Variants in ADAM22 observed in about 807,000 individuals in gnomAD.
The protein encoded by ADAM22 is disintegrin and metalloproteinase domain-containing protein 22.
In ADAM22, 65 loss-of-function variants were observed where a neutral mutation model predicts 144.6. That is an observed-to-expected ratio of 0.45 (90% CI 0.37 to 0.55). The LOEUF is 0.55. Ranked by LOEUF, ADAM22 falls within the 20% of genes least tolerant of loss-of-function variation. The pLI is 0.00. For synonymous variants in ADAM22, 391 were observed against 412.6 expected (o/e 0.95, Z 0.63); for missense variants, 974 against 1,184.9 (o/e 0.82, Z 2.61).
At chr7:88,133,011 A>G (rs1325120989) in intron 12 of ADAM22, 60 bp downstream of exon 12, 4 of 1,457,344 alleles carry the variant, frequency 2.7e-6, no homozygotes, top group East Asian at 2.3e-5. Flanking sequence ...TTTTCCTCAT[A>G]CTTAAGAGAT....
At chr7:88,113,247 C>A (rs1363290862) in intron 5 of ADAM22, among the ~76,000 whole-genome samples, 1 of 148,258 alleles carries the variant, frequency 6.7e-6, no homozygotes, top group African/African-American at 2.5e-5. Flanking sequence ...ACTAACTCTT[C>A]TCTGTTTTAC....
At chr7:88,143,624 T>C (rs1393778875) in intron 15 of ADAM22, among the ~76,000 whole-genome samples, 1 of 152,208 alleles carries the variant, frequency 6.6e-6, no homozygotes, top group East Asian at 1.9e-4. Flanking sequence ...TTGGACTTTG[T>C]CACAGGCTTT....
chr7:88,108,148 G>GACTT (rs1326074202), intron 4 of ADAM22, 28 bp from the exon 5 acceptor site: 1 of 1,595,184 alleles, frequency 6.3e-7, no homozygotes, highest in Non-Finnish European at 8.6e-7. Flanking sequence ...GTGATGCAAA[G>GACTT]ACTTACATTC....
intron 3 of ADAM22, among the ~76,000 whole-genome samples, chr7:88,021,606 G>C (rs939043701): frequency 1.3e-5 from 2 of 152,190 alleles, no homozygotes; most frequent in African/African-American, 2.4e-5. Flanking sequence ...GCTGTTTTCA[G>C]ACAAGTAATT....
rs567035312 is a variant in ADAM22, at chr7:88,079,014, C to T, written c.390+3322C>T. ...CAGAGAATGCCACAAAGATACTGCT[C>T]GAGAAGAGCAACTCCAAGACACATA... is the stretch of plus-strand genomic sequence containing the variant. On this transcript the variant is annotated intron_variant, in intron 4 of 31. Transcript: ENST00000413139. 5.3e-5 allele frequency among the ~76,000 whole-genome samples: 8 copies of T among 152,094 alleles called. No homozygotes were observed. In the South Asian group the frequency reaches 1.2e-3, roughly 24 times the overall value.
At chr7:87,982,670 CATATATATATATAT>C (rs3086405) in intron 3 of ADAM22, among the ~76,000 whole-genome samples, 3 of 38,114 alleles carry the variant, frequency 7.9e-5, no homozygotes, top group East Asian at 8.5e-4. Flanking sequence ...TCAGTTATTA[CATATATATATATAT>C]ATATATATAT....
At chr7:88,150,058 G>T (rs528516302) in intron 18 of ADAM22, among the ~76,000 whole-genome samples, 1 of 152,230 alleles carries the variant, frequency 6.6e-6, no homozygotes, top group Non-Finnish European at 1.5e-5. Flanking sequence ...TCTTGCTGGC[G>T]TTACCCCCTC....
intron 2 of ADAM22, among the ~76,000 whole-genome samples, chr7:87,950,726 A>C (rs1175119882): frequency 1.4e-5 from 2 of 148,122 alleles, no homozygotes; most frequent in East Asian, 2.0e-4. Context: ...TGACTTCCAC[A>C]ATGGTTGAAC....
intron 3 of ADAM22, among the ~76,000 whole-genome samples, chr7:88,051,710 A>G (rs1014180596): frequency 6.6e-6 from 1 of 152,058 alleles, no homozygotes; most frequent in Non-Finnish European, 1.5e-5. Context: ...TAATAAATAA[A>G]AAAAAAAAGA....
chr7:88,031,498 G>A (rs1038572371), intron 3 of ADAM22, among the ~76,000 whole-genome samples: 1 of 152,246 alleles, frequency 6.6e-6, no homozygotes, highest in Admixed American at 6.5e-5. Context: ...GCAGAGACTG[G>A]TGGCACTATG....
chr7:88,051,613 G>A (rs556042509), intron 3 of ADAM22, among the ~76,000 whole-genome samples: 144 of 152,162 alleles, frequency 9.5e-4, no homozygotes, highest in African/African-American at 3.1e-3. Context: ...TGACGAGTTA[G>A]TGGGTGCAGC....
chr7:88,128,716 G>C, intron 9 of ADAM22, 40 bp downstream of exon 9: 1 of 1,528,794 alleles, frequency 6.5e-7, no homozygotes, highest in Non-Finnish European at 9.0e-7. Flanking sequence ...TTGTGCCTAG[G>C]GTAAAACTGG....
At chr7:88,018,438 T>C (rs1797027993) in intron 3 of ADAM22, among the ~76,000 whole-genome samples, 1 of 152,180 alleles carries the variant, frequency 6.6e-6, no homozygotes, top group African/African-American at 2.4e-5. Flanking sequence ...ATCTAGATTT[T>C]TTTTCCCCCA....
intron 4 of ADAM22, among the ~76,000 whole-genome samples, chr7:88,103,427 T>TA (rs1448427591): frequency 3.9e-5 from 6 of 152,140 alleles, no homozygotes; most frequent in East Asian, 1.9e-4. Context: ...GTTCCTAGAA[T>TA]AAAAAATTAC....
At chr7:88,068,168 C>T (rs1811770970) in intron 3 of ADAM22, among the ~76,000 whole-genome samples, 1 of 152,046 alleles carries the variant, frequency 6.6e-6, no homozygotes, top group African/African-American at 2.4e-5. Flanking sequence ...AGGGTTGGTG[C>T]ATGGCTAGAG....
chr7:88,152,099 G>A (rs531610889), intron 20 of ADAM22, among the ~76,000 whole-genome samples: 23 of 152,220 alleles, frequency 1.5e-4, no homozygotes, highest in African/African-American at 5.1e-4. Flanking sequence ...GAGGGGAAGT[G>A]TATGCTCTCT....
chr7:88,135,625 C>T (rs1164172217), intron 13 of ADAM22, among the ~76,000 whole-genome samples: 1 of 152,120 alleles, frequency 6.6e-6, no homozygotes, highest in African/African-American at 2.4e-5. Flanking sequence ...TATAATAGTT[C>T]TCATAAAGGC....
intron 16 of ADAM22, 101 bp downstream of exon 16, chr7:88,145,297 A>G (rs867887034): frequency 2.7e-6 from 4 of 1,503,522 alleles, no homozygotes; most frequent in Middle Eastern, 1.7e-4. Flanking sequence ...CTGGAATTTT[A>G]TAGGATTTGT....
intron 8 of ADAM22, among the ~76,000 whole-genome samples, chr7:88,127,715 T>TAA (rs554747467): frequency 1.3e-3 from 205 of 152,130 alleles, no homozygotes; most frequent in Non-Finnish European, 2.3e-3. Flanking sequence ...TTAAGTTTGA[T>TAA]TGTATACCCT....
Sources: gnomAD v4.1 joint callset for allele counts (sites outside exome capture counted in the v4.1 genomes callset) on GRCh38, gnomAD v4.1.1 for gene constraint, MANE v1.5 for transcripts, NCBI Gene and HGNC (gene_info 2026-07-23, HGNC 2026-07-21) for gene names.